VWF: variants seen among roughly 807,000 people sequenced by gnomAD.
VWF encodes the protein Factor VIII related antigen.
In VWF, 176 loss-of-function variants were observed where a neutral mutation model predicts 308.6. The ratio of observed to expected loss-of-function variants is 0.57; its 90% CI spans 0.50 to 0.65. VWF has a LOEUF of 0.65. Ranked by LOEUF, VWF falls within the 30% of genes least tolerant of loss-of-function variation. VWF has a pLI of 0.00. For missense variants in VWF, 3,146 were observed against 3,648.2 expected, an observed-to-expected ratio of 0.86 and a Z score of 3.55; for synonymous variants, 1,385 against 1,443.4, an observed-to-expected ratio of 0.96 and a Z score of 0.92.
intron 15 of VWF, 50 bp downstream of exon 15, chr12:6,056,807 G>T: frequency 7.6e-7 from 1 of 1,321,740 alleles, no homozygotes; most frequent in South Asian, 2.0e-5. Context: ...AGCACACGTG[G>T]ACGGATTTGG....
intron 5 of VWF, among the ~76,000 whole-genome samples, chr12:6,103,415 C>A (rs536299175): frequency 8.9e-6 from 1 of 112,962 alleles, no homozygotes; most frequent in Non-Finnish European, 1.6e-5. Context: ...TGTATACACA[C>A]GTGTGTGTAT....
At chr12:6,121,110 C>T (rs1189565842) in intron 3 of VWF, 64 bp downstream of exon 3, 5 of 1,605,878 alleles carry the variant, frequency 3.1e-6, no homozygotes, top group African/African-American at 2.7e-5. Context: ...AATCCTCCCC[C>T]ACACCAGGGC....
chr12:6,098,891 G>A (rs1404885674), intron 5 of VWF, among the ~76,000 whole-genome samples: 3 of 152,110 alleles, frequency 2.0e-5, no homozygotes, highest in Non-Finnish European at 4.4e-5. Context: ...TCTTGCCAAC[G>A]AAGGGGTGTG....
chr12:6,035,873 T>A (rs1157875772), intron 19 of VWF, among the ~76,000 whole-genome samples: 1 of 152,234 alleles, frequency 6.6e-6, no homozygotes, highest in Non-Finnish European at 1.5e-5. Context: ...TGACACCACA[T>A]GGGTGGCTGA....
chr12:5,980,612 G>A (rs1467549354), intron 42 of VWF, among the ~76,000 whole-genome samples: 3 of 152,198 alleles, frequency 2.0e-5, no homozygotes, highest in Non-Finnish European at 4.4e-5. Context: ...AAGACGAGAA[G>A]GAGAACAGAG....
chr12:6,057,608 CTTTT>C (rs61458766), intron 14 of VWF, among the ~76,000 whole-genome samples: 3 of 134,556 alleles, frequency 2.2e-5, no homozygotes, highest in South Asian at 2.4e-4. Context: ...CCTCGGTAGA[CTTTT>C]TTTTTTTTTT....
At chr12:6,032,482 C>CAAAA (rs71929888) in intron 20 of VWF, among the ~76,000 whole-genome samples, 4 of 149,778 alleles carry the variant, frequency 2.7e-5, no homozygotes, top group African/African-American at 5.0e-5. Context: ...TACTAAAATA[C>CAAAA]AAAAAATTAG....
chr12:6,109,732 G>A (rs552009139), intron 5 of VWF, among the ~76,000 whole-genome samples: 2 of 152,204 alleles, frequency 1.3e-5, no homozygotes, highest in African/African-American at 4.8e-5. Context: ...CTCACTGCAA[G>A]TTCTCCCTCC....
chr12:5,989,691 A>G (rs216888), intron 38 of VWF, among the ~76,000 whole-genome samples: 79,694 of 152,010 alleles, frequency 0.52, 21,216 homozygotes, highest in East Asian at 0.75. Context: ...TAGCACCAGA[A>G]AGGAGAAGCA....
In VWF at chr12:6,071,466, C is replaced by T. The variant is rs150764527; in HGVS notation, c.1110-123G>A. The T allele has an allele frequency of 6.0e-4, 644 of 1,078,422 alleles. 3 individuals are homozygous for T. In the African/African-American group the frequency reaches 9.0e-3, roughly 15 times the overall value. The allele number at this position is 1,078,422 out of a possible 1,614,324, so 66.8% of individuals were successfully genotyped here. A position where few individuals can be genotyped will look rare whatever the true frequency, so the allele number is the denominator to read the frequency against. On this transcript the variant is annotated intron_variant, in intron 9 of 51. Transcript: ENST00000261405. ...GAAGGGATGTGGGAAAAGAAAAGAG[C>T]TGGTGCTAGCAGAATCTTCATAGGG...
At chr12:6,088,847 G>A (rs1945001950) in intron 6 of VWF, among the ~76,000 whole-genome samples, 1 of 152,166 alleles carries the variant, frequency 6.6e-6, no homozygotes, top group Admixed American at 6.5e-5. Flanking sequence ...AATCAAACAA[G>A]GCCATTATCA....
At chr12:5,961,258 T>A (rs1256740853) in intron 47 of VWF, among the ~76,000 whole-genome samples, 2 of 152,154 alleles carry the variant, frequency 1.3e-5, no homozygotes, top group Non-Finnish European at 2.9e-5. Context: ...ATAATAAACA[T>A]AATGCATCTG....
intron 47 of VWF, among the ~76,000 whole-genome samples, chr12:5,962,281 A>G (rs1943327724): frequency 6.6e-6 from 1 of 152,226 alleles, no homozygotes. Flanking sequence ...TAACCTATAG[A>G]TTCAATATAA....
chr12:5,976,497 C>G (rs981060141), intron 42 of VWF, among the ~76,000 whole-genome samples: 11 of 152,112 alleles, frequency 7.2e-5, no homozygotes, highest in African/African-American at 2.7e-4. Context: ...CCTCGTGAGG[C>G]CTTCATGGTC....
chr12:6,029,087 C>CAA (rs71445694), intron 22 of VWF, among the ~76,000 whole-genome samples: 5,964 of 130,446 alleles, frequency 0.046, 365 homozygotes, highest in African/African-American at 0.15. Flanking sequence ...AAATGGAAGG[C>CAA]AAAAAAAAAA....
rs187463063 is a variant in VWF at position 6,106,612 on chromosome 12, G to A, written c.532+3762C>T. On this transcript the variant is annotated intron_variant, in intron 5 of 51. Coordinates refer to ENST00000261405, the MANE Select transcript of VWF (RefSeq NM_000552.5). The stretch of plus-strand genomic sequence containing the variant: ...ATTTTGGCCAGGCGCGGTGGCTCAC[G>A]CCTGTAATCCCAGCACTTTGGGAGG... 4.6e-5 allele frequency among the ~76,000 whole-genome samples: 7 copies of A among 152,126 alleles called. No homozygotes were observed. The East Asian group carries it at 5.8e-4, about 13-fold the overall frequency.
Position 5,994,181 on chromosome 12 carries a change from G to C in VWF, c.6279C>G (p.Ala2093=). 1 of 1,614,074 alleles carries C rather than the reference G, an allele frequency of 6.2e-7. No individual in the cohort carries two copies. The highest frequency in any genetic ancestry group is 8.5e-7 in the Non-Finnish European group (1 of 1,180,024). The change falls in exon 37 of 52, where the codon GCC becomes GCG. Residue 2093 remains alanine (A), a synonymous_variant. Coordinates refer to ENST00000261405, the MANE Select transcript of VWF (RefSeq NM_000552.5). ...TGCCATCCCTCAGCATGAAGTCATTGGCTCCGTTCTCATCACAGATCCCTA... is the reference window on the plus strand; with the variant it reads ...TGCCATCCCTCAGCATGAAGTCATTCGCTCCGTTCTCATCACAGATCCCTA... ...GLCGICDENG[A]NDFMLRDGTV...
Position 5,976,201 on chromosome 12 carries a change from A to G in VWF, c.7347T>C (p.Asp2449=), listed in dbSNP as rs956854636. 1.9e-6 allele frequency: 3 copies of G among 1,614,074 alleles called. No homozygotes were observed. The highest frequency in any genetic ancestry group is 1.3e-5 in the African/African-American group (1 of 75,032). The part of the protein sequence containing the change: ...PVGQFWEEGC[D]VCTCTDMEDA... ...CCTCCATGTCGGTGCAGGTGCACAC[A>G]TCGCAGCCCTCCTCCCAGAACTGGC... Residue 2449 remains aspartate, a synonymous_variant, in exon 43 of 52, where the codon GAT becomes GAC. Coordinates refer to ENST00000261405, the MANE Select transcript of VWF (RefSeq NM_000552.5).
At chr12:6,109,548 G>C (rs1384342342) in intron 5 of VWF, among the ~76,000 whole-genome samples, 1 of 152,158 alleles carries the variant, frequency 6.6e-6, no homozygotes, top group Admixed American at 6.5e-5. Context: ...TGGGTCATAA[G>C]GAAGAAAGAT....
Sources: allele counts gnomAD v4.1 joint callset (sites outside exome capture counted in the v4.1 genomes callset), GRCh38; gene constraint gnomAD v4.1.1; transcripts MANE v1.5; gene names NCBI Gene and HGNC (gene_info 2026-07-23, HGNC 2026-07-21).